Variants in RHOH observed in about 807,000 individuals in gnomAD.
RHOH encodes rho-related GTP-binding protein RhoH.
RHOH carries 6 observed loss-of-function variants against 13.8 expected under a neutral mutation model. The observed-to-expected ratio is 0.44, with a 90% CI of 0.24 to 0.86. The LOEUF (loss-of-function observed/expected upper bound fraction) is 0.86. RHOH is among the 40% of genes least tolerant of loss of function. The pLI, the probability that RHOH is intolerant of heterozygous loss-of-function variation, is 0.24. For missense variants in RHOH, 147 were observed against 244.5 expected (o/e 0.60, Z 2.66); for synonymous variants, 117 against 103.0 (o/e 1.14, Z -0.82).
chr4:40,213,565 T>C (rs538444555), intron 1 of RHOH, among the ~76,000 whole-genome samples: 1 of 152,172 alleles, frequency 6.6e-6, no homozygotes, highest in East Asian at 1.9e-4. Context: ...TTAAGACAAC[T>C]AATAACAACA....
At chr4:40,193,772 G>A (rs140446869), upstream of RHOH, 1 of 152,734 alleles carries the variant, frequency 6.5e-6, no homozygotes, top group East Asian at 1.9e-4. Flanking sequence ...GCAGAAGGGT[G>A]GTCAGCCAGG....
Position 40,207,458 on chromosome 4 carries a change from A to T in RHOH, c.-331+10158A>T, listed in dbSNP as rs1401228398. The stretch of plus-strand genomic sequence containing the variant: ...TGGCAGTGTTTCTATTACATTCTAG[A>T]GCTATGAAAACACATGGATGGTTTT... On this transcript the variant is annotated intron_variant, in intron 1 of 2. Coordinates refer to ENST00000381799, the MANE Select transcript of RHOH (RefSeq NM_004310.5). Among the ~76,000 whole-genome samples the T allele has an allele frequency of 4.6e-5, 7 of 152,144 alleles. No individual in the cohort carries two copies. In the East Asian group the frequency reaches 1.2e-3, roughly 25 times the overall value.
At chr4:40,213,258 A>G (rs578238100) in intron 1 of RHOH, among the ~76,000 whole-genome samples, 1 of 152,248 alleles carries the variant, frequency 6.6e-6, no homozygotes, top group East Asian at 1.9e-4. Context: ...TGGGTAGCTA[A>G]CTATGATAGT....
chr4:40,208,286 C>G (rs1465435756), intron 1 of RHOH, among the ~76,000 whole-genome samples: 1 of 152,132 alleles, frequency 6.6e-6, no homozygotes, highest in South Asian at 2.1e-4. Flanking sequence ...TTATTTTATC[C>G]ATTAATTATA....
upstream of RHOH, among the ~76,000 whole-genome samples, chr4:40,195,169 T>A (rs549638462): frequency 6.6e-6 from 1 of 152,346 alleles, no homozygotes; most frequent in African/African-American, 2.4e-5. Context: ...TTCAAATTTC[T>A]TGTTTTTAAT....
chr4:40,227,138 CAGTG>C (rs1414705054), intron 1 of RHOH, among the ~76,000 whole-genome samples: 2 of 151,812 alleles, frequency 1.3e-5, no homozygotes, highest in Non-Finnish European at 2.9e-5. Flanking sequence ...GCCTGGGTGA[CAGTG>C]AGACTCTGAA....
chr4:40,225,627 T>G (rs1727132368), intron 1 of RHOH, among the ~76,000 whole-genome samples: 1 of 152,200 alleles, frequency 6.6e-6, no homozygotes, highest in African/African-American at 2.4e-5. Context: ...CATCAAATGG[T>G]GTGTGAGAGT....
chr4:40,220,331 G>T (rs964181991), intron 1 of RHOH, among the ~76,000 whole-genome samples: 3 of 151,010 alleles, frequency 2.0e-5, no homozygotes, highest in Non-Finnish European at 4.4e-5. Flanking sequence ...TGTTCTCTTG[G>T]CATTTTGCAT....
rs1268523373 is a variant in RHOH at position 40,244,645 on chromosome 4, A to G, written c.*683A>G. On this transcript the variant is annotated 3_prime_UTR_variant, in exon 3 of 3. Coordinates refer to ENST00000381799, the MANE Select transcript of RHOH (RefSeq NM_004310.5). ...CTATATTTTTCTGAAATGATAAAAC[A>G]TCATTCATTTATTTACTATATTGTC... 3 of 195,302 alleles carry G rather than the reference A, an allele frequency of 1.5e-5. No homozygotes were observed. In the South Asian group the frequency reaches 5.9e-4, roughly 38 times the overall value. 12.1% of individuals were successfully genotyped at this position (195,302 alleles called of 1,614,324 possible).
chr4:40,232,188 G>A (rs190408297), intron 1 of RHOH, among the ~76,000 whole-genome samples: 13 of 152,190 alleles, frequency 8.5e-5, no homozygotes, highest in Admixed American at 2.6e-4. Flanking sequence ...GCTCAAAGAG[G>A]TTAGTAACAT....
chr4:40,229,611 G>A (rs1727659035), intron 1 of RHOH, among the ~76,000 whole-genome samples: 1 of 145,842 alleles, frequency 6.9e-6, no homozygotes, highest in South Asian at 2.1e-4. Context: ...TCCAGCCTGG[G>A]CAACAAGAGT....
rs1047691896 is a variant in RHOH at position 40,226,474 on chromosome 4, C to T, written c.-330-16240C>T. Among the ~76,000 whole-genome samples the T allele has an allele frequency of 6.1e-5, 9 of 147,716 alleles. No individual in the cohort carries two copies. In the East Asian group the frequency reaches 1.0e-3, roughly 17 times the overall value. ...CCAGGAGGTGGAGTTTGTGGTGAGCCGAGATCACGCCATTGCACTCCAGCC... is the reference window on the plus strand; with the variant it reads ...CCAGGAGGTGGAGTTTGTGGTGAGCTGAGATCACGCCATTGCACTCCAGCC... On this transcript the variant is annotated intron_variant, in intron 1 of 2. Transcript: ENST00000381799.
chr4:40,238,043 TC>T (rs1728791756), intron 1 of RHOH, among the ~76,000 whole-genome samples: 1 of 149,558 alleles, frequency 6.7e-6, no homozygotes, highest in South Asian at 2.1e-4. Context: ...TTCCACCTGA[TC>T]CGTATGAGCT....
At chr4:40,232,651 G>A (rs1212171991) in intron 1 of RHOH, among the ~76,000 whole-genome samples, 1 of 152,138 alleles carries the variant, frequency 6.6e-6, no homozygotes, top group Non-Finnish European at 1.5e-5. Flanking sequence ...TGTGGCTGCT[G>A]ATGAGCAGAA....
rs573403689 is a variant in RHOH at position 40,211,728 on chromosome 4, T to C, written c.-331+14428T>C. On this transcript the variant is annotated intron_variant, in intron 1 of 2. Transcript: ENST00000381799. Reference sequence around the variant, plus strand: ...CATAAATGATTGTGCATGAGATAATTAGTTCTGATAGTTCCGTTAGTTTGT... The same window carrying C: ...CATAAATGATTGTGCATGAGATAATCAGTTCTGATAGTTCCGTTAGTTTGT... Among the ~76,000 whole-genome samples the C allele has an allele frequency of 3.3e-5, 5 of 152,284 alleles. No individual in the cohort carries two copies. The East Asian group carries it at 9.6e-4, about 29-fold the overall frequency.
At chr4:40,229,204 C>T (rs1363299073) in intron 1 of RHOH, among the ~76,000 whole-genome samples, 2 of 152,214 alleles carry the variant, frequency 1.3e-5, no homozygotes, top group Non-Finnish European at 2.9e-5. Context: ...AGGCTCTAAG[C>T]CTCTGTGCTG....
chr4:40,208,863 A>G lies in RHOH; in HGVS notation c.-331+11563A>G, dbSNP rs557015080. On this transcript the variant is annotated intron_variant, in intron 1 of 2. Coordinates refer to ENST00000381799, the MANE Select transcript of RHOH (RefSeq NM_004310.5). ...AGTGAGACCCTGTCTCAAAAAATAT[A>G]TACATATAATATTTGTATTTATAAT... 4.0e-4 allele frequency among the ~76,000 whole-genome samples: 61 copies of G among 152,184 alleles called. 1 individual carries two copies. The South Asian group carries it at 0.011, about 28-fold the overall frequency.
chr4:40,239,693 A>G (rs949744393), intron 1 of RHOH, among the ~76,000 whole-genome samples: 10 of 152,018 alleles, frequency 6.6e-5, no homozygotes, highest in African/African-American at 2.4e-4. Context: ...AGTCTGGCCA[A>G]CATGGTGAAA....
intron 1 of RHOH, among the ~76,000 whole-genome samples, chr4:40,229,754 C>T (rs1052155606): frequency 2.0e-5 from 3 of 151,958 alleles, no homozygotes; most frequent in African/African-American, 4.8e-5. Flanking sequence ...CCCTGTATAC[C>T]CACCACTCAA....
Sources: allele counts gnomAD v4.1 joint callset (sites outside exome capture counted in the v4.1 genomes callset), GRCh38; gene constraint gnomAD v4.1.1; transcripts MANE v1.5; gene names NCBI Gene and HGNC (gene_info 2026-07-23, HGNC 2026-07-21).